The following GIGYF2 variants were observed in gnomAD, a reference collection of about 807,000 sequenced individuals.
GIGYF2 encodes GRB10-interacting GYF protein 2.
GIGYF2 carries 25 observed loss-of-function variants against 208.1 expected under a neutral mutation model. That is an observed-to-expected ratio of 0.12 (90% confidence interval 0.09 to 0.17). The LOEUF is 0.17. GIGYF2 is among the 10% of genes least tolerant of loss of function. The probability of loss-of-function intolerance (pLI) is 1.00; values close to 1 mark genes in which losing one functional copy is unlikely to be tolerated. For missense variants in GIGYF2, 1,302 were observed against 1,579.4 expected (o/e 0.82, Z 2.98); for synonymous variants, 534 against 543.8 (o/e 0.98, Z 0.25).
At chr2:232,697,951 C>T (rs1282087739) in intron 1 of GIGYF2, among the ~76,000 whole-genome samples, 3 of 152,348 alleles carry the variant, frequency 2.0e-5, no homozygotes, top group East Asian at 3.9e-4. Flanking sequence ...GGCGAGAGTA[C>T]TGGGTCTGGA....
intron 8 of GIGYF2, 154 bp downstream of exon 8, chr2:232,761,590 C>T (rs1468181027): frequency 1.7e-6 from 1 of 593,228 alleles, no homozygotes; most frequent in East Asian, 3.0e-5. Flanking sequence ...ATGATGAATA[C>T]AGCCATTAGG....
chr2:232,739,367 C>T lies in GIGYF2; in HGVS notation c.41+4129C>T, dbSNP rs988650357. 2.0e-4 allele frequency among the ~76,000 whole-genome samples: 27 copies of T among 135,202 alleles called. 2 individuals are homozygous for T. The highest frequency in any genetic ancestry group is 5.9e-4 in the African/African-American group (21 of 35,874). The allele number at this position is 135,202 out of a possible 152,430, so 88.7% of individuals were successfully genotyped here. ...GCCTGGGCAACAAAAGCAAACCCCC[C>T]CCCCCCCGCAAAAAAAAAGAAAAGG... On this transcript the variant is annotated intron_variant, in intron 3 of 28. Coordinates refer to ENST00000373563, the MANE Select transcript of GIGYF2 (RefSeq NM_001103146.3).
intron 12 of GIGYF2, among the ~76,000 whole-genome samples, chr2:232,792,592 AC>A (rs142547607): frequency 0.015 from 2,322 of 152,164 alleles, 67 homozygotes; most frequent in African/African-American, 0.053. Flanking sequence ...AAACAAAACA[AC>A]AACAAAAATG....
intron 20 of GIGYF2, among the ~76,000 whole-genome samples, chr2:232,817,964 C>T (rs953156914): frequency 1.3e-5 from 2 of 152,222 alleles, no homozygotes; most frequent in Admixed American, 6.5e-5. Context: ...ACAGCTGCTG[C>T]ACCACTTTAT....
chr2:232,815,710 G>A lies in GIGYF2; in HGVS notation c.2181G>A (p.Gln727=). The A allele has an allele frequency of 3.7e-6, 6 of 1,604,298 alleles. No individual in the cohort carries two copies. The highest frequency in any genetic ancestry group is 4.3e-6 in the Non-Finnish European group (5 of 1,171,066). ...TTPGPALEQL[Q]QLEKAKAAKL... is the part of the protein sequence containing the mutation. ...CAGGCCCTGCCCTGGAACAGCTTCA[G>A]CAGCTAGAGAAGGCCAAAGCTGCAA... The change falls in exon 19 of 29, where the codon CAG becomes CAA. Residue 727 remains glutamine, a synonymous_variant. Transcript: ENST00000373563.
At chr2:232,706,806 A>T (rs1214619937) in intron 2 of GIGYF2, among the ~76,000 whole-genome samples, 2 of 151,830 alleles carry the variant, frequency 1.3e-5, no homozygotes, top group Non-Finnish European at 2.9e-5. Flanking sequence ...AATAAAAATA[A>T]ATAATTAGCT....
intron 14 of GIGYF2, among the ~76,000 whole-genome samples, chr2:232,802,471 C>T (rs1177423352): frequency 1.3e-5 from 2 of 152,112 alleles, no homozygotes; most frequent in Non-Finnish European, 2.9e-5. Flanking sequence ...GATACTACTT[C>T]TGTGTCAATT....
At chr2:232,851,852 A>G (rs1291661654) in intron 28 of GIGYF2, among the ~76,000 whole-genome samples, 1 of 152,254 alleles carries the variant, frequency 6.6e-6, no homozygotes, top group Non-Finnish European at 1.5e-5. Flanking sequence ...AGGAGGCTGC[A>G]GTATAGACTA....
chr2:232,744,626 G>T, intron 3 of GIGYF2, among the ~76,000 whole-genome samples: 1 of 151,320 alleles, frequency 6.6e-6, no homozygotes, highest in Non-Finnish European at 1.5e-5. Context: ...TGACCTCCCA[G>T]GCTCGAGCAG....
chr2:232,738,064 C>T (rs1458671281), intron 3 of GIGYF2, among the ~76,000 whole-genome samples: 1 of 151,580 alleles, frequency 6.6e-6, no homozygotes, highest in Admixed American at 6.6e-5. Context: ...TTACAGGCAC[C>T]CACCACCACG....
intron 20 of GIGYF2, 125 bp downstream of exon 20, chr2:232,817,157 A>C: frequency 1.3e-6 from 1 of 795,774 alleles, no homozygotes. Flanking sequence ...TAGAAGACTC[A>C]CTCACCTTTG....
In GIGYF2 at chr2:232,844,189, G is replaced by A. The variant is rs1376452534; in HGVS notation, c.3033G>A (p.Arg1011=). 3 of 1,561,766 alleles carry A rather than the reference G, an allele frequency of 1.9e-6. No individual in the cohort carries two copies. The highest frequency in any genetic ancestry group is 1.7e-6 in the Non-Finnish European group (2 of 1,151,802). The change falls in exon 24 of 29, where the codon AGG becomes AGA. Residue 1011 remains arginine (R), a synonymous_variant. Transcript: ENST00000373563. ...SLLEIQQEEA[R]QMQKQQQQQQ... ...TGGAGATCCAGCAGGAAGAGGCCAG[G>A]CAAATGCAAAAGCAGCAGCAGCAGC...
At chr2:232,793,694 G>A (rs1054023028) in intron 12 of GIGYF2, among the ~76,000 whole-genome samples, 2 of 152,130 alleles carry the variant, frequency 1.3e-5, no homozygotes, top group Non-Finnish European at 2.9e-5. Context: ...ATACTTAGTA[G>A]GGGTAAGAAG....
At chr2:232,719,648 T>A (rs1470462516) in intron 2 of GIGYF2, among the ~76,000 whole-genome samples, 1 of 152,044 alleles carries the variant, frequency 6.6e-6, no homozygotes, top group Non-Finnish European at 1.5e-5. Context: ...TAGAAAAATA[T>A]AGGGAGAAAA....
intron 6 of GIGYF2, among the ~76,000 whole-genome samples, chr2:232,759,552 A>G (rs1378032246): frequency 6.6e-6 from 1 of 152,142 alleles, no homozygotes; most frequent in Non-Finnish European, 1.5e-5. Context: ...TATATGCATC[A>G]TTCTTCAGTA....
At chr2:232,720,579 A>ATT (rs1449256988) in intron 2 of GIGYF2, among the ~76,000 whole-genome samples, 1 of 121,238 alleles carries the variant, frequency 8.2e-6, no homozygotes, top group African/African-American at 2.9e-5. Flanking sequence ...ATATATATAT[A>ATT]TATATTTTTG....
chr2:232,850,192 C>T, intron 27 of GIGYF2, 70 bp from the exon 28 acceptor site: 1 of 1,338,188 alleles, frequency 7.5e-7, no homozygotes, highest in South Asian at 1.2e-5. Context: ...GAGGACAAAC[C>T]AAACATTTTC....
At chr2:232,768,834 T>C (rs760722999) in intron 8 of GIGYF2, 8 of 1,591,050 alleles carry the variant, frequency 5.0e-6, no homozygotes, top group Non-Finnish European at 6.9e-6. Context: ...AATTATTGAT[T>C]TTTTTTTAGA....
intron 3 of GIGYF2, among the ~76,000 whole-genome samples, chr2:232,744,755 C>G (rs187066525): frequency 6.6e-6 from 1 of 151,914 alleles, no homozygotes; most frequent in Non-Finnish European, 1.5e-5. Context: ...TGGTCTTGAA[C>G]TCTTGTACTG....
Sources: gnomAD v4.1 joint callset for allele counts (sites outside exome capture counted in the v4.1 genomes callset) on GRCh38, gnomAD v4.1.1 for gene constraint, MANE v1.5 for transcripts, NCBI Gene and HGNC (gene_info 2026-07-23, HGNC 2026-07-21) for gene names.